Variants in GALNT13 observed in about 807,000 individuals in gnomAD.
GALNT13 encodes UDP-GalNAc:polypeptide N-acetylgalactosaminyltransferase 13.
In GALNT13, 28 loss-of-function variants were observed where a neutral mutation model predicts 64.2. The ratio of observed to expected loss-of-function variants is 0.44; its 90% CI spans 0.32 to 0.60. GALNT13 has a LOEUF of 0.60. Among genes scored for constraint, GALNT13 ranks in the 20% least tolerant of loss-of-function variants. GALNT13 has a pLI of 0.05. For missense variants in GALNT13, 577 were observed against 669.8 expected (o/e 0.86, Z 1.53); for synonymous variants, 214 against 224.6 (o/e 0.95, Z 0.42).
At chr2:154,342,050 G>GTCC (rs1430219452) in intron 9 of GALNT13, among the ~76,000 whole-genome samples, 3 of 152,046 alleles carry the variant, frequency 2.0e-5, no homozygotes, top group Non-Finnish European at 4.4e-5. Context: ...GGTTTAGGAA[G>GTCC]AAGATTGAGT....
At chr2:153,386,890 C>A in the GALNT13 span, among the ~76,000 whole-genome samples, 2 of 152,058 alleles carry the variant, frequency 1.3e-5, no homozygotes, top group East Asian at 1.9e-4. Flanking sequence ...TCCACCCAAG[C>A]CTTGAAAGCT....
intron 4 of GALNT13, among the ~76,000 whole-genome samples, chr2:154,201,162 G>A (rs1196589057): frequency 6.6e-6 from 1 of 152,054 alleles, no homozygotes; most frequent in Non-Finnish European, 1.5e-5. Context: ...CCTACAAAGA[G>A]TTGTCATGTG....
At chr2:153,529,154 C>A in the GALNT13 span, among the ~76,000 whole-genome samples, 2 of 151,390 alleles carry the variant, frequency 1.3e-5, no homozygotes, top group East Asian at 3.9e-4. Flanking sequence ...TAAAGTTAAA[C>A]AAAACTTACA....
chr2:153,326,818 C>T, the GALNT13 span, among the ~76,000 whole-genome samples: 1 of 152,054 alleles, frequency 6.6e-6, no homozygotes, highest in Non-Finnish European at 1.5e-5. Flanking sequence ...AGGTGCAGTG[C>T]CTCACACCTG....
chr2:154,444,560 A>G (rs1349764819), intron 12 of GALNT13, among the ~76,000 whole-genome samples: 1 of 152,080 alleles, frequency 6.6e-6, no homozygotes, highest in Admixed American at 6.6e-5. Flanking sequence ...TGCTGCTATT[A>G]TTACAAAATT....
At chr2:153,912,464 G>A (rs1689017462) in intron 2 of GALNT13, among the ~76,000 whole-genome samples, 1 of 152,130 alleles carries the variant, frequency 6.6e-6, no homozygotes, top group Non-Finnish European at 1.5e-5. Context: ...TGGTCATTTG[G>A]AGAAAAGAAG....
chr2:153,635,402 A>G, the GALNT13 span, among the ~76,000 whole-genome samples: 9 of 110,570 alleles, frequency 8.1e-5, no homozygotes, highest in African/African-American at 2.1e-4. Context: ...AAATATGTAT[A>G]TATATATATA....
At chr2:153,994,603 G>A (rs559523302) in intron 3 of GALNT13, among the ~76,000 whole-genome samples, 76 of 152,164 alleles carry the variant, frequency 5.0e-4, no homozygotes, top group African/African-American at 1.8e-3. Flanking sequence ...TTTAATGATC[G>A]CCATTCTAAC....
At chr2:153,074,416 A>G in the GALNT13 span, among the ~76,000 whole-genome samples, 15 of 152,262 alleles carry the variant, frequency 9.9e-5, no homozygotes, top group South Asian at 3.1e-3. Context: ...GTAAAGTGTT[A>G]CTTAACAATG....
the GALNT13 span, among the ~76,000 whole-genome samples, chr2:153,830,536 C>A: frequency 2.4e-4 from 37 of 151,856 alleles, no homozygotes; most frequent in African/African-American, 8.9e-4. Flanking sequence ...AATTTCATAC[C>A]AAAAAAAGAT....
chr2:153,510,269 G>T, the GALNT13 span, among the ~76,000 whole-genome samples: 1 of 152,158 alleles, frequency 6.6e-6, no homozygotes, highest in Admixed American at 6.5e-5. Flanking sequence ...GTTTCTGGGG[G>T]TACGTATTGT....
chr2:154,329,718 A>C (rs59603923), intron 9 of GALNT13, among the ~76,000 whole-genome samples: 2,477 of 151,962 alleles, frequency 0.016, 62 homozygotes, highest in African/African-American at 0.05. Flanking sequence ...TGAATGGATG[A>C]AATGTCCTTC....
At chr2:153,603,441 T>A in the GALNT13 span, among the ~76,000 whole-genome samples, 1 of 151,992 alleles carries the variant, frequency 6.6e-6, no homozygotes, top group Non-Finnish European at 1.5e-5. Flanking sequence ...TACCCAGATG[T>A]TACCATATAC....
the GALNT13 span, among the ~76,000 whole-genome samples, chr2:153,088,050 G>A: frequency 1.3e-5 from 2 of 151,832 alleles, no homozygotes; most frequent in Non-Finnish European, 2.9e-5. Flanking sequence ...TTTTTGAGGT[G>A]TAACCTTAGA....
At chr2:153,173,216 C>T in the GALNT13 span, 10 of 151,942 alleles carry the variant, frequency 6.6e-5, no homozygotes, top group Admixed American at 1.3e-4. Flanking sequence ...GTATTCTTAC[C>T]GATGGGGGTG....
the GALNT13 span, among the ~76,000 whole-genome samples, chr2:153,713,787 CTA>C: frequency 6.6e-6 from 1 of 152,156 alleles, no homozygotes; most frequent in African/African-American, 2.4e-5. Flanking sequence ...CCTAGCCAGG[CTA>C]TGTCTTTTAA....
the GALNT13 span, among the ~76,000 whole-genome samples, chr2:153,416,547 G>A: frequency 1.3e-5 from 2 of 152,130 alleles, no homozygotes; most frequent in East Asian, 1.9e-4. Context: ...GTATGTTAAA[G>A]GCATTCAACT....
chr2:153,328,830 G>T, the GALNT13 span, among the ~76,000 whole-genome samples: 1 of 151,920 alleles, frequency 6.6e-6, no homozygotes, highest in African/African-American at 2.4e-5. Flanking sequence ...TGTCTTGCTG[G>T]CATTTCAGGT....
chr2:153,686,294 C>A, the GALNT13 span, among the ~76,000 whole-genome samples: 1 of 151,926 alleles, frequency 6.6e-6, no homozygotes, highest in South Asian at 2.1e-4. Context: ...AAAGTTTTTC[C>A]ATTTGTTTGT....
Sources: allele counts gnomAD v4.1 joint callset (sites outside exome capture counted in the v4.1 genomes callset), GRCh38; gene constraint gnomAD v4.1.1; transcripts MANE v1.5; gene names NCBI Gene and HGNC (gene_info 2026-07-23, HGNC 2026-07-21).